The following FSHR variants were observed in gnomAD, a reference collection of about 807,000 sequenced individuals.
The protein encoded by FSHR is follicle stimulating hormone receptor.
Under a neutral mutation model 52.1 loss-of-function variants are expected in FSHR, and 46 were observed. That is an observed-to-expected ratio of 0.88 (90% confidence interval 0.70 to 1.13). FSHR has a LOEUF of 1.13. FSHR is among the 50% of genes most tolerant of loss of function. The pLI is 0.00. For missense variants in FSHR, 964 were observed against 834.6 expected, an observed-to-expected ratio of 1.16 and a Z score of -1.91; for synonymous variants, 399 against 309.6, an observed-to-expected ratio of 1.29 and a Z score of -3.03.
chr2:49,045,364 C>T (rs1454833175), intron 2 of FSHR, among the ~76,000 whole-genome samples: 1 of 152,164 alleles, frequency 6.6e-6, no homozygotes, highest in Non-Finnish European at 1.5e-5. Context: ...GTAGTTAGAT[C>T]CTCAGTGATT....
chr2:49,058,680 AAAG>A (rs1310686936), intron 2 of FSHR, among the ~76,000 whole-genome samples: 8 of 152,132 alleles, frequency 5.3e-5, no homozygotes, highest in Non-Finnish European at 5.9e-5. Flanking sequence ...AAAAAAAAAT[AAAG>A]AAGCCCATTC....
At chr2:49,021,853 C>CTG in intron 2 of FSHR, among the ~76,000 whole-genome samples, 1 of 34,208 alleles carries the variant, frequency 2.9e-5, no homozygotes, top group East Asian at 2.7e-3. Context: ...CTCTCTCTCT[C>CTG]TCTCTCTCTC....
At chr2:49,149,353 C>G (rs1309576055) in intron 1 of FSHR, among the ~76,000 whole-genome samples, 1 of 151,950 alleles carries the variant, frequency 6.6e-6, no homozygotes, top group Admixed American at 6.6e-5. Flanking sequence ...ACCTACTTGT[C>G]AGGCACAAAG....
chr2:48,991,387 A>G (rs944328240), intron 4 of FSHR, among the ~76,000 whole-genome samples: 1 of 152,168 alleles, frequency 6.6e-6, no homozygotes, highest in East Asian at 1.9e-4. Flanking sequence ...TCCTAATCCC[A>G]AGGACTTGAG....
chr2:49,025,550 A>AAT (rs923337519), intron 2 of FSHR, among the ~76,000 whole-genome samples: 30 of 152,254 alleles, frequency 2.0e-4, no homozygotes, highest in African/African-American at 6.5e-4. Flanking sequence ...TAATATGTGT[A>AAT]ATATATATAT....
chr2:49,071,600 T>A (rs1046659641), intron 1 of FSHR, among the ~76,000 whole-genome samples: 11 of 152,180 alleles, frequency 7.2e-5, no homozygotes, highest in Admixed American at 6.6e-4. Context: ...TTGTATTGAA[T>A]AGGTGAATGT....
At chr2:48,969,350 A>T (rs1169809264) in intron 8 of FSHR, among the ~76,000 whole-genome samples, 1 of 152,230 alleles carries the variant, frequency 6.6e-6, no homozygotes. Context: ...ATATACTACA[A>T]GAGGAAGAAG....
chr2:48,982,775 T>C, intron 8 of FSHR, 137 bp downstream of exon 8: 2 of 761,840 alleles, frequency 2.6e-6, no homozygotes, highest in South Asian at 1.5e-5. Flanking sequence ...TCTCTATAAA[T>C]TTTTGCAGAT....
At chr2:49,024,111 T>C (rs146888963) in intron 2 of FSHR, among the ~76,000 whole-genome samples, 235 of 152,142 alleles carry the variant, frequency 1.5e-3, no homozygotes, top group African/African-American at 5.5e-3. Context: ...CCGAGTAGAG[T>C]TGTTACTGAC....
intron 2 of FSHR, among the ~76,000 whole-genome samples, chr2:49,059,203 A>C (rs944320283): frequency 6.6e-5 from 10 of 152,138 alleles, no homozygotes; most frequent in African/African-American, 2.4e-4. Flanking sequence ...TTGTCTCTAA[A>C]AATTAAAAAA....
intron 1 of FSHR, among the ~76,000 whole-genome samples, chr2:49,141,053 C>A (rs1179465339): frequency 1.2e-4 from 18 of 152,162 alleles, no homozygotes. Flanking sequence ...GCCCTGATAC[C>A]ACCCACTCTA....
chr2:49,068,283 C>G lies in FSHR; in HGVS notation c.160G>C (p.Val54Leu). The G allele has an allele frequency of 6.2e-7, 1 of 1,611,322 alleles. No individual in the cohort carries two copies. The highest frequency in any genetic ancestry group is 8.5e-7 in the Non-Finnish European group (1 of 1,178,336). Residue 54 changes from valine (V) to leucine (L), a missense_variant, in exon 2 of 10, where the codon GTC (valine) becomes CTC (leucine). Coordinates refer to ENST00000406846, the MANE Select transcript of FSHR (RefSeq NM_000145.4). ...TGGATGACTCGAAGCTTGGTGAGGA[C>G]AAACCTCCTGCAAAGAGAGTAGAAA... ...LPRNAIELRF[V>L]LTKLRVIQKG...
intron 1 of FSHR, among the ~76,000 whole-genome samples, chr2:49,123,725 T>G (rs1206551365): frequency 6.6e-6 from 1 of 152,094 alleles, no homozygotes; most frequent in African/African-American, 2.4e-5. Flanking sequence ...TTCCATTCAG[T>G]GTTTCTCCCC....
chr2:49,150,939 T>G (rs1347001370), intron 1 of FSHR, among the ~76,000 whole-genome samples: 2 of 152,082 alleles, frequency 1.3e-5, no homozygotes, highest in African/African-American at 2.4e-5. Flanking sequence ...AAAATCAAAA[T>G]AATGCTTTTT....
chr2:49,073,394 A>G (rs2103632415), intron 1 of FSHR, among the ~76,000 whole-genome samples: 1 of 152,210 alleles, frequency 6.6e-6, no homozygotes, highest in East Asian at 1.9e-4. Context: ...AATCAGTAGC[A>G]TTTCAATACA....
At chr2:49,021,831 T>TTCTCTCTCTCTC (rs1553334822) in intron 2 of FSHR, among the ~76,000 whole-genome samples, 14 of 46,502 alleles carry the variant, frequency 3.0e-4, no homozygotes, top group African/African-American at 1.0e-3. Context: ...GGGTATGTGT[T>TTCTCTCTCTCTC]TCTCTCTCTC....
chr2:49,130,385 C>T (rs1425177098), intron 1 of FSHR, among the ~76,000 whole-genome samples: 1 of 152,198 alleles, frequency 6.6e-6, no homozygotes, highest in Non-Finnish European at 1.5e-5. Flanking sequence ...CCAGGAAGGC[C>T]TGGACTCCCT....
At chr2:49,038,961 T>C (rs1316823286) in intron 2 of FSHR, among the ~76,000 whole-genome samples, 1 of 152,128 alleles carries the variant, frequency 6.6e-6, no homozygotes, top group Non-Finnish European at 1.5e-5. Flanking sequence ...ACGGGAAAGA[T>C]TTTATTGTAC....
At chr2:49,111,181 T>C (rs1671408314) in intron 1 of FSHR, among the ~76,000 whole-genome samples, 1 of 152,154 alleles carries the variant, frequency 6.6e-6, no homozygotes, top group African/African-American at 2.4e-5. Context: ...TTGGAGAGAA[T>C]GGCAGCCCCA....
Sources: gnomAD v4.1 joint callset for allele counts (sites outside exome capture counted in the v4.1 genomes callset) on GRCh38, gnomAD v4.1.1 for gene constraint, MANE v1.5 for transcripts, NCBI Gene and HGNC (gene_info 2026-07-23, HGNC 2026-07-21) for gene names.